SCAF1: variants seen among roughly 807,000 people sequenced by gnomAD.
The protein encoded by SCAF1 is SR-related CTD associated factor 1.
Under a neutral mutation model 91.2 loss-of-function variants are expected in SCAF1, and 28 were observed. That is an observed-to-expected ratio of 0.31 (90% CI 0.23 to 0.42). SCAF1 has a LOEUF of 0.42. SCAF1 is among the 10% of genes least tolerant of loss of function. The pLI is 1.00. For synonymous variants in SCAF1, 1,036 were observed against 833.7 expected (o/e 1.24, Z -4.18); for missense variants, 1,893 against 1,872.1 (o/e 1.01, Z -0.21).
rs780112161 is a variant in SCAF1 at position 49,652,350 on chromosome 19, G to C, written c.1961G>C (p.Arg654Pro). 9.1e-6 allele frequency: 14 copies of C among 1,536,476 alleles called. No individual in the cohort carries two copies. The Admixed American group carries it at 1.4e-4, about 16-fold the overall frequency. ...KKRSRSRGEK[R>P]SGDGSEKAPA... Reference sequence around the variant, plus strand: ...CGGTCGCGGTCCCGGGGTGAGAAGCGGTCTGGGGATGGCAGCGAGAAGGCC... The same window carrying C: ...CGGTCGCGGTCCCGGGGTGAGAAGCCGTCTGGGGATGGCAGCGAGAAGGCC... The change falls in exon 7 of 11, where the codon CGG becomes CCG. Residue 654 changes from arginine (R) to proline (P), a missense_variant. Transcript: ENST00000360565.
Position 49,651,092 on chromosome 19 carries a change from G to A in SCAF1, c.703G>A (p.Asp235Asn). ...TATCTATGACCCCTTCCACCCCACCGACGAGGCCTACTCTCCACCGCCTGC... is the reference window on the plus strand; with the variant it reads ...TATCTATGACCCCTTCCACCCCACCAACGAGGCCTACTCTCCACCGCCTGC... ...FDIYDPFHPT[D>N]EAYSPPPAPE... is the part of the protein sequence containing the mutation. The change falls in exon 7 of 11, where the codon GAC (aspartate) becomes AAC (asparagine). Residue 235 changes from aspartate (D) to asparagine (N), a missense_variant. This residue lies in a region of SCAF1 where 80 missense variants were observed against 116.6 expected (regional missense o/e 0.69). Coordinates refer to ENST00000360565, the MANE Select transcript of SCAF1 (RefSeq NM_021228.3). The A allele has an allele frequency of 7.0e-7, 1 of 1,432,264 alleles. No homozygotes were observed. The highest frequency in any genetic ancestry group is 9.3e-7 in the Non-Finnish European group (1 of 1,069,668). The allele number at this position is 1,432,264 out of a possible 1,614,324, so 88.7% of individuals were successfully genotyped here. A position where few individuals can be genotyped will look rare whatever the true frequency, so the allele number is the denominator to read the frequency against.
intron 9 of SCAF1, among the ~76,000 whole-genome samples, 180 bp downstream of exon 9, chr19:49,655,050 C>T (rs889454380): frequency 1.3e-5 from 2 of 152,182 alleles, no homozygotes; most frequent in African/African-American, 2.4e-5. Flanking sequence ...GCAGGAAATG[C>T]GTTAGGCGTG....
Position 49,642,416 on chromosome 19 carries a change from C to A in SCAF1, c.-7+174C>A, listed in dbSNP as rs2081032041. ...GCGAAACCTGGCGCCGAGAGGGGGGCCTTCTCAGGGCCCCGGGACGCATCC... is the reference window on the plus strand; with the variant it reads ...GCGAAACCTGGCGCCGAGAGGGGGGACTTCTCAGGGCCCCGGGACGCATCC... On this transcript the variant is annotated intron_variant, in intron 1 of 10. Coordinates refer to ENST00000360565, the MANE Select transcript of SCAF1 (RefSeq NM_021228.3). This position sits in a 1 kb window ranked among gnomAD's most constrained non-coding sequence, Gnocchi z 4.0. Among the ~76,000 whole-genome samples the A allele has an allele frequency of 6.6e-6, 1 of 152,090 alleles. No homozygotes were observed. The highest frequency in any genetic ancestry group is 2.1e-4 in the South Asian group (1 of 4,824).
chr19:49,651,752 G>T lies in SCAF1; in HGVS notation c.1363G>T (p.Gly455Cys). The change falls in exon 7 of 11, where the codon GGC becomes TGC. Residue 455 changes from glycine to cysteine, a missense_variant. Physicochemically the swap from Gly to Cys is radical, Grantham distance 159 (BLOSUM62 -3). Coordinates refer to ENST00000360565, the MANE Select transcript of SCAF1 (RefSeq NM_021228.3). ...DFLSLHAESD[G>C]EGALQVDLGE... ...CTTGTCCCTGCATGCGGAGTCGGACGGCGAGGGCGCCCTGCAGGTGGACCT... is the reference window on the plus strand; with the variant it reads ...CTTGTCCCTGCATGCGGAGTCGGACTGCGAGGGCGCCCTGCAGGTGGACCT... 7.5e-7 allele frequency: 1 copy of T among 1,337,034 alleles called. No homozygotes were observed. The allele number at this position is 1,337,034 out of a possible 1,614,324, so 82.8% of individuals were successfully genotyped here. A position where few individuals can be genotyped will look rare whatever the true frequency, so the allele number is the denominator to read the frequency against.
At position 49,653,480 on chromosome 19, in the gene SCAF1, G is replaced by C. The variant is rs760814202; in HGVS notation, c.3091G>C (p.Glu1031Gln). 48 of 1,557,284 alleles carry C rather than the reference G, an allele frequency of 3.1e-5. No individual in the cohort carries two copies. The African/African-American group carries it at 6.1e-4, about 20-fold the overall frequency. ...AEEEEEEEEE[E>Q]EEEEEEEEQQ... ...GGAGGAGGAGGAGGAAGAAGAAGAG[G>C]AGGAGGAAGAGGAAGAGGAGGAGGA... Residue 1031 changes from glutamate (E) to glutamine (Q), a missense_variant, in exon 7 of 11, where the codon GAG (glutamate) becomes CAG (glutamine). Physicochemically the swap from Glu to Gln is conservative, Grantham distance 29. Coordinates refer to ENST00000360565, the MANE Select transcript of SCAF1 (RefSeq NM_021228.3).
intron 1 of SCAF1, among the ~76,000 whole-genome samples, chr19:49,644,158 T>C (rs1282034048): frequency 6.6e-6 from 1 of 152,194 alleles, no homozygotes; most frequent in Non-Finnish European, 1.5e-5. Context: ...TGAAGCTTTC[T>C]AGGAATTTTG....
Position 49,658,492 on chromosome 19 carries a change from G to T in SCAF1, c.*93G>T. ...CACCTCCCTCCCCCGTCAGTGGGATGACTGGGGGAGGGTTGCTGCAGGGAA... is the reference window on the plus strand; with the variant it reads ...CACCTCCCTCCCCCGTCAGTGGGATTACTGGGGGAGGGTTGCTGCAGGGAA... On this transcript the variant is annotated 3_prime_UTR_variant, in exon 11 of 11. Coordinates refer to ENST00000360565, the MANE Select transcript of SCAF1 (RefSeq NM_021228.3). 1.4e-6 allele frequency: 1 copy of T among 720,378 alleles called. No homozygotes were observed. Among genetic ancestry groups the T allele is most frequent in the South Asian group, 1.8e-5 (1 of 55,728 alleles). 44.6% of individuals were successfully genotyped at this position (720,378 alleles called of 1,614,324 possible).
chr19:49,652,284 G>A lies in SCAF1; in HGVS notation c.1895G>A (p.Gly632Glu). 1 of 1,513,888 alleles carries A rather than the reference G, an allele frequency of 6.6e-7. No individual in the cohort carries two copies. The highest frequency in any genetic ancestry group is 1.2e-5 in the South Asian group (1 of 81,270). 93.8% of individuals were successfully genotyped at this position (1,513,888 alleles called of 1,614,324 possible). The change falls in exon 7 of 11, where the codon GGG becomes GAG. Residue 632 changes from glycine to glutamate, a missense_variant. Transcript: ENST00000360565. ...TCCTCGAGGCGCGAGCGGCACCGCG[G>A]GAAACACCGGGACGGTGGCGGCAGC... Reference protein sequence around the residue: ...SSSSRRERHRGKHRDGGGSKK... With the variant: ...SSSSRRERHREKHRDGGGSKK...
At position 49,658,375 on chromosome 19, in the gene SCAF1, G is replaced by T; in HGVS notation, c.3915G>T (p.Pro1305=). The stretch of plus-strand genomic sequence containing the variant: ...CAGGGCCCCCAGACAAGGGTGGCCC[G>T]GGCCTGCCCCTGCCCCCTCTCTGAG... The part of the protein sequence containing the change: ...KEPGPPDKGG[P]GLPLPPL The change falls in exon 11 of 11, where the codon CCG becomes CCT. Residue 1305 remains proline, a synonymous_variant. Coordinates refer to ENST00000360565, the MANE Select transcript of SCAF1 (RefSeq NM_021228.3). 1 of 1,553,294 alleles carries T rather than the reference G, an allele frequency of 6.4e-7. No homozygotes were observed. Among genetic ancestry groups the T allele is most frequent in the Non-Finnish European group, 8.7e-7 (1 of 1,151,144 alleles).
In SCAF1 at chr19:49,652,017, C is replaced by T. The variant is rs772873507; in HGVS notation, c.1628C>T (p.Pro543Leu). ...ASSSSGTQPA[P>L]PAPASPWDSK... is the part of the protein sequence containing the mutation. ...TCCTCGTCGGGCACCCAGCCAGCGC[C>T]GCCCGCCCCGGCCTCGCCCTGGGAC... Residue 543 changes from proline to leucine, a missense_variant, in exon 7 of 11, where the codon CCG becomes CTG. Pro to Leu is a moderately conservative substitution (Grantham distance 98, BLOSUM62 -3). Transcript: ENST00000360565. 3.3e-5 allele frequency: 40 copies of T among 1,209,894 alleles called. 1 individual carries two copies. The South Asian group carries it at 6.6e-4, about 20-fold the overall frequency. 74.9% of individuals were successfully genotyped at this position (1,209,894 alleles called of 1,614,324 possible). A position where few individuals can be genotyped will look rare whatever the true frequency, so the allele number is the denominator to read the frequency against.
upstream of SCAF1, among the ~76,000 whole-genome samples, chr19:49,640,807 T>A (rs1026295297): frequency 1.3e-5 from 2 of 151,994 alleles, no homozygotes; most frequent in Non-Finnish European, 2.9e-5. Flanking sequence ...GCATTCCTAA[T>A]CCATGAGCCA....
chr19:49,653,399 G>T lies in SCAF1; in HGVS notation c.3010G>T (p.Val1004Phe). The T allele has an allele frequency of 6.5e-7, 1 of 1,542,798 alleles. No individual in the cohort carries two copies. Among genetic ancestry groups the T allele is most frequent in the Non-Finnish European group, 8.7e-7 (1 of 1,143,036 alleles). Residue 1004 changes from valine (V) to phenylalanine (F), a missense_variant, in exon 7 of 11, where the codon GTC becomes TTC. Val to Phe is a conservative substitution (Grantham distance 50). Transcript: ENST00000360565. Reference sequence around the variant, plus strand: ...GGACAGCAGCTGCAAGACACCTGAGGTCTCCTTCCTGCCCGAGGAGGCCAC... The same window carrying T: ...GGACAGCAGCTGCAAGACACCTGAGTTCTCCTTCCTGCCCGAGGAGGCCAC... The part of the protein sequence containing the change: ...TVDSSCKTPE[V>F]SFLPEEATEE...
chr19:49,645,684 C>T lies in SCAF1; in HGVS notation c.166+273C>T, dbSNP rs563889890. 7.2e-5 allele frequency among the ~76,000 whole-genome samples: 11 copies of T among 152,268 alleles called. No homozygotes were observed. The highest frequency in any genetic ancestry group is 2.4e-4 in the African/African-American group (10 of 41,556). ...ACCTTCCCCGAGCAGGGACAGTGAA[C>T]GGCTCTCTAAGGACCTAGAAGAGTC... On this transcript the variant is annotated intron_variant, in intron 3 of 10. Transcript: ENST00000360565. The surrounding 1 kb of genome is among the most constrained non-coding windows in gnomAD (Gnocchi z 4.6).
rs1426153716 is a variant in SCAF1, at chr19:49,658,220, A to G, written c.3760A>G (p.Lys1254Glu). Residue 1254 changes from lysine to glutamate, a missense_variant, in exon 11 of 11, where the codon AAA becomes GAA. Physicochemically the swap from Lys to Glu is moderately conservative, Grantham distance 56. This residue lies in a region of SCAF1 where 56 missense variants were observed against 106.3 expected (regional missense o/e 0.53). Transcript: ENST00000360565. Reference protein sequence around the residue: ...RKAVHKICHSKSGEINPVKVS... With the variant: ...RKAVHKICHSESGEINPVKVS... ...CCCGGCCCCCCAGATCTGCCACAGC[A>G]AAAGTGGGGAAATCAACCCAGTGAA... The G allele has an allele frequency of 1.2e-6, 2 of 1,612,432 alleles. No individual in the cohort carries two copies. The highest frequency in any genetic ancestry group is 2.2e-5 in the East Asian group (1 of 44,826).
chr19:49,640,484 T>G (rs988576154), upstream of SCAF1, among the ~76,000 whole-genome samples: 3 of 152,166 alleles, frequency 2.0e-5, no homozygotes, highest in Non-Finnish European at 4.4e-5. Flanking sequence ...AGGACCCCTG[T>G]GACACTGCTG....
rs1459476100 is a variant in SCAF1, at chr19:49,654,377, A to G, written c.3345A>G (p.Glu1115=). The part of the protein sequence containing the change: ...ALTALLFKME[E]ANLASRAKAQ... ...CTGCACTTCTCTTCAAGATGGAAGAAGCCAACCTGGCGAGCCGAGCGAAGG... is the reference window on the plus strand; with the variant it reads ...CTGCACTTCTCTTCAAGATGGAAGAGGCCAACCTGGCGAGCCGAGCGAAGG... Residue 1115 remains glutamate (E), a synonymous_variant, in exon 8 of 11, where the codon GAA becomes GAG. Transcript: ENST00000360565. The G allele has an allele frequency of 1.9e-6, 3 of 1,613,376 alleles. No individual in the cohort carries two copies. The African/African-American group carries it at 4.0e-5, about 22-fold the overall frequency.
chr19:49,654,531 C>A, intron 8 of SCAF1, 100 bp downstream of exon 8: 10 of 1,379,452 alleles, frequency 7.2e-6, no homozygotes, highest in Non-Finnish European at 1.0e-5. Context: ...GGCAAGGTAT[C>A]GGCCTGAAGA....
chr19:49,655,691 G>A (rs568711291), intron 9 of SCAF1, among the ~76,000 whole-genome samples: 1 of 152,060 alleles, frequency 6.6e-6, no homozygotes, highest in African/African-American at 2.4e-5. Context: ...TTGAGACAGG[G>A]TCTCGCTTTG....
chr19:49,656,260 C>T (rs1401056406), intron 9 of SCAF1, among the ~76,000 whole-genome samples: 1 of 152,186 alleles, frequency 6.6e-6, no homozygotes, highest in African/African-American at 2.4e-5. Context: ...TGGGGAGCAG[C>T]GTCTCTCTAG....
Sources: gnomAD v4.1 joint callset for allele counts (sites outside exome capture counted in the v4.1 genomes callset) on GRCh38, gnomAD v4.1.1 for gene constraint, gnomAD v4.1.1 regional missense constraint, Gnocchi (gnomAD v3.1) non-coding constraint, MANE v1.5 for transcripts, NCBI Gene and HGNC (gene_info 2026-07-23, HGNC 2026-07-21) for gene names.